PTPRD: variants seen among roughly 807,000 people sequenced by gnomAD.
PTPRD encodes protein tyrosine phosphatase receptor type D.
Under a neutral mutation model 214.5 loss-of-function variants are expected in PTPRD, and 34 were observed. That is an observed-to-expected ratio of 0.16 (90% CI 0.12 to 0.21). The LOEUF is 0.21. Among genes scored for constraint, PTPRD ranks in the 10% least tolerant of loss-of-function variants. PTPRD has a pLI of 1.00. For missense variants in PTPRD, 2,545 were observed against 2,398.7 expected (o/e 1.06, Z -1.27); for synonymous variants, 1,128 against 845.7 (o/e 1.33, Z -5.79).
intron 12 of PTPRD, among the ~76,000 whole-genome samples, chr9:8,674,733 A>C (rs1425639345): frequency 1.3e-5 from 2 of 152,172 alleles, no homozygotes; most frequent in Non-Finnish European, 2.9e-5. Flanking sequence ...CTAGATTATG[A>C]TTAAGGTACA....
At chr9:9,182,901 A>C (rs1319032291) in intron 10 of PTPRD, among the ~76,000 whole-genome samples, 1 of 151,940 alleles carries the variant, frequency 6.6e-6, no homozygotes, top group Non-Finnish European at 1.5e-5. Flanking sequence ...GCCAAAATAA[A>C]GTATGTAGGC....
intron 8 of PTPRD, among the ~76,000 whole-genome samples, chr9:9,497,803 C>A (rs1291659809): frequency 6.6e-6 from 1 of 151,968 alleles, no homozygotes; most frequent in African/African-American, 2.4e-5. Flanking sequence ...AAAGTTTATC[C>A]AAAAGTAGCA....
chr9:8,553,209 C>G (rs1028850054), intron 14 of PTPRD, among the ~76,000 whole-genome samples: 4 of 152,102 alleles, frequency 2.6e-5, no homozygotes, highest in Admixed American at 2.0e-4. Flanking sequence ...CCCAAATCAA[C>G]TTAAAAATGC....
intron 8 of PTPRD, among the ~76,000 whole-genome samples, chr9:9,547,693 G>T (rs965661133): frequency 6.6e-6 from 1 of 151,710 alleles, no homozygotes; most frequent in Admixed American, 6.6e-5. Flanking sequence ...CAATCCAAAA[G>T]AAAAAGTATT....
intron 7 of PTPRD, among the ~76,000 whole-genome samples, chr9:9,636,843 A>G (rs953951961): frequency 5.9e-5 from 9 of 152,208 alleles, no homozygotes; most frequent in Non-Finnish European, 1.3e-4. Context: ...TGTTTCTCAT[A>G]GTCTTGGAGG....
chr9:10,242,069 A>G (rs556261240), intron 3 of PTPRD, among the ~76,000 whole-genome samples: 2 of 152,100 alleles, frequency 1.3e-5, no homozygotes, highest in Admixed American at 6.6e-5. Flanking sequence ...GCCATGAATT[A>G]AAGACTATAT....
intron 9 of PTPRD, among the ~76,000 whole-genome samples, chr9:9,270,486 T>G (rs1942383698): frequency 6.6e-6 from 1 of 151,044 alleles, no homozygotes; most frequent in Non-Finnish European, 1.5e-5. Flanking sequence ...GCTGAGGTGG[T>G]GAAGGGCTTA....
chr9:8,680,592 C>T lies in PTPRD; in HGVS notation c.65-43748G>A, dbSNP rs567717267. Among the ~76,000 whole-genome samples the T allele has an allele frequency of 9.9e-5, 15 of 152,144 alleles. No individual in the cohort carries two copies. The South Asian group carries it at 2.1e-3, about 21-fold the overall frequency. On this transcript the variant is annotated intron_variant, in intron 12 of 45. Transcript: ENST00000381196. ...TATATATACACACAAACATAATGTACGTACATCTATATACTATATATGATA... is the reference window on the plus strand; with the variant it reads ...TATATATACACACAAACATAATGTATGTACATCTATATACTATATATGATA...
chr9:10,272,645 T>C (rs888103062), intron 3 of PTPRD, among the ~76,000 whole-genome samples: 1 of 152,204 alleles, frequency 6.6e-6, no homozygotes, highest in African/African-American at 2.4e-5. Flanking sequence ...TAATTTAATA[T>C]GACAATTTTC....
intron 8 of PTPRD, among the ~76,000 whole-genome samples, chr9:9,465,007 C>A (rs888049032): frequency 6.6e-6 from 1 of 152,136 alleles, no homozygotes; most frequent in Non-Finnish European, 1.5e-5. Flanking sequence ...TCTTGTGAGA[C>A]AATTGAATTC....
chr9:9,844,296 A>G (rs2058987125), intron 5 of PTPRD, among the ~76,000 whole-genome samples: 1 of 151,974 alleles, frequency 6.6e-6, no homozygotes, highest in Non-Finnish European at 1.5e-5. Flanking sequence ...CATGCTGTAC[A>G]TTAGATCATA....
intron 35 of PTPRD, among the ~76,000 whole-genome samples, chr9:8,435,966 G>T (rs1470141797): frequency 2.0e-5 from 3 of 152,152 alleles, no homozygotes; most frequent in Non-Finnish European, 4.4e-5. Flanking sequence ...ATAAAACCAA[G>T]AGTCTTGAGA....
intron 9 of PTPRD, among the ~76,000 whole-genome samples, chr9:9,248,014 GCAGTA>G: frequency 6.6e-6 from 1 of 152,094 alleles, no homozygotes; most frequent in East Asian, 1.9e-4. Flanking sequence ...TATATCTCTT[GCAGTA>G]CACTGTAGGT....
chr9:8,484,636 T>C (rs2096959970), intron 29 of PTPRD, among the ~76,000 whole-genome samples: 1 of 121,132 alleles, frequency 8.3e-6, no homozygotes, highest in African/African-American at 3.6e-5. Flanking sequence ...ATATAGAAAA[T>C]AACTTATCAA....
intron 3 of PTPRD, among the ~76,000 whole-genome samples, chr9:10,180,750 G>A (rs903511890): frequency 1.3e-5 from 2 of 151,586 alleles, no homozygotes; most frequent in African/African-American, 4.8e-5. Context: ...AAATGCAAAG[G>A]TGACTCAACC....
chr9:8,327,419 T>C (rs1161691452), intron 44 of PTPRD, among the ~76,000 whole-genome samples: 1 of 152,184 alleles, frequency 6.6e-6, no homozygotes, highest in Middle Eastern at 3.2e-3. Context: ...TGATTTCTGT[T>C]CTTTTGCATT....
chr9:9,613,417 G>A (rs985971053), intron 7 of PTPRD, among the ~76,000 whole-genome samples: 1 of 151,652 alleles, frequency 6.6e-6, no homozygotes, highest in Non-Finnish European at 1.5e-5. Context: ...ATTGTCCCTG[G>A]GTGTGATAGA....
chr9:8,338,302 C>G (rs542897007), intron 43 of PTPRD, among the ~76,000 whole-genome samples: 3 of 152,054 alleles, frequency 2.0e-5, no homozygotes, highest in Non-Finnish European at 4.4e-5. Flanking sequence ...TACATCAGGG[C>G]TGAACCTTGG....
At chr9:9,968,965 T>G (rs1587727544) in intron 4 of PTPRD, among the ~76,000 whole-genome samples, 1 of 152,188 alleles carries the variant, frequency 6.6e-6, no homozygotes, top group African/African-American at 2.4e-5. Context: ...AGCTGGTAAA[T>G]TCATGAGATG....
Sources: allele counts gnomAD v4.1 joint callset (sites outside exome capture counted in the v4.1 genomes callset), GRCh38; gene constraint gnomAD v4.1.1; transcripts MANE v1.5; gene names NCBI Gene and HGNC (gene_info 2026-07-23, HGNC 2026-07-21).